The following CASTOR2 variants were observed in gnomAD, a reference collection of about 807,000 sequenced individuals.
CASTOR2 encodes the protein GATS protein like 2.
In CASTOR2, 8 loss-of-function variants were observed where a neutral mutation model predicts 31.2. That is an observed-to-expected ratio of 0.26 (90% CI 0.15 to 0.46). The LOEUF is 0.46. Ranked by LOEUF, CASTOR2 falls within the 20% of genes least tolerant of loss-of-function variation. The pLI is 0.99. For synonymous variants in CASTOR2, 162 were observed against 158.7 expected (o/e 1.02, Z -0.16); for missense variants, 216 against 382.1 (o/e 0.57, Z 3.62).
intron 1 of CASTOR2, among the ~76,000 whole-genome samples, chr7:75,004,183 G>A (rs1804559261): frequency 6.6e-6 from 1 of 152,156 alleles, no homozygotes; most frequent in African/African-American, 2.4e-5. Flanking sequence ...CTCTTTCTGA[G>A]TTCCTGGGGG....
intron 1 of CASTOR2, among the ~76,000 whole-genome samples, chr7:74,986,517 A>T (rs1200089767): frequency 6.6e-6 from 1 of 151,680 alleles, no homozygotes; most frequent in East Asian, 1.9e-4. Flanking sequence ...AAAGAAAAGA[A>T]AAAAAAAGAA....
At position 75,028,567 on chromosome 7, in the gene CASTOR2, C is replaced by A. The variant is rs1805207446; in HGVS notation, c.*3868C>A. Among the ~76,000 whole-genome samples, 1 of 152,100 alleles carries A rather than the reference C, an allele frequency of 6.6e-6. No individual in the cohort carries two copies. Among genetic ancestry groups the A allele is most frequent in the African/African-American group, 2.4e-5 (1 of 41,404 alleles). On this transcript the variant is annotated 3_prime_UTR_variant, in exon 9 of 9. Coordinates refer to ENST00000616305, the MANE Select transcript of CASTOR2 (RefSeq NM_001145064.3). The stretch of plus-strand genomic sequence containing the variant: ...TCTCCCCTTGCTGCACTCAGAGTAC[C>A]AGTGGGAGCTGAAGGATGGGGAGGA...
rs975622661 is a variant in CASTOR2 at position 75,027,589 on chromosome 7, G to C, written c.*2890G>C. ...GGGGCTGCTCCTGGGGACTGGCCTC[G>C]TGTCATGGAGAAAAGCATGTGTGTC... On this transcript the variant is annotated 3_prime_UTR_variant, in exon 9 of 9. Coordinates refer to ENST00000616305, the MANE Select transcript of CASTOR2 (RefSeq NM_001145064.3). 1 of 182,450 alleles carries C rather than the reference G, an allele frequency of 5.5e-6. No homozygotes were observed. Among genetic ancestry groups the C allele is most frequent in the African/African-American group, 2.4e-5 (1 of 41,654 alleles). The allele number at this position is 182,450 out of a possible 1,614,324, so 11.3% of individuals were successfully genotyped here.
chr7:75,014,803 C>G (rs1804830886), intron 2 of CASTOR2, among the ~76,000 whole-genome samples: 1 of 152,210 alleles, frequency 6.6e-6, no homozygotes. Context: ...CTCTGGGTCT[C>G]ATCCAAACCT....
chr7:75,025,020 G>A lies in CASTOR2; in HGVS notation c.*321G>A, dbSNP rs1257052203. On this transcript the variant is annotated 3_prime_UTR_variant, in exon 9 of 9. Coordinates refer to ENST00000616305, the MANE Select transcript of CASTOR2 (RefSeq NM_001145064.3). The stretch of plus-strand genomic sequence containing the variant: ...CGCCTTCTCATCCGGCCTCACCCAC[G>A]GCCAGGGGCAGATGCCGAGGGAAGC... 1.3e-5 allele frequency among the ~76,000 whole-genome samples: 2 copies of A among 152,240 alleles called. No homozygotes were observed. The highest frequency in any genetic ancestry group is 2.1e-4 in the South Asian group (1 of 4,836).
At chr7:75,006,846 G>GC (rs1210977859) in intron 1 of CASTOR2, among the ~76,000 whole-genome samples, 16 of 68,080 alleles carry the variant, frequency 2.4e-4, no homozygotes, top group South Asian at 5.6e-4. Context: ...GAGCACCCCC[G>GC]CCCCCCCAGC....
At chr7:74,993,227 T>C (rs1273390158) in intron 1 of CASTOR2, among the ~76,000 whole-genome samples, 3 of 151,898 alleles carry the variant, frequency 2.0e-5, no homozygotes, top group Non-Finnish European at 2.9e-5. Flanking sequence ...GGAAGGCACA[T>C]AGAGCTTCTA....
rs1000303158 is a variant in CASTOR2 at position 75,026,008 on chromosome 7, C to G, written c.*1309C>G. ...GAACTCCCACCAACCAGCTGTAGTT[C>G]TATCTGAGCACCGGAGGGGGTGAGG... On this transcript the variant is annotated 3_prime_UTR_variant, in exon 9 of 9. Coordinates refer to ENST00000616305, the MANE Select transcript of CASTOR2 (RefSeq NM_001145064.3). Among the ~76,000 whole-genome samples, 2 of 152,110 alleles carry G rather than the reference C, an allele frequency of 1.3e-5. No homozygotes were observed. The highest frequency in any genetic ancestry group is 6.6e-5 in the Admixed American group (1 of 15,258).
At position 75,024,944 on chromosome 7, in the gene CASTOR2, C is replaced by T. The variant is rs1056632028; in HGVS notation, c.*245C>T. The T allele has an allele frequency of 1.0e-4, 90 of 878,064 alleles. No homozygotes were observed. The Middle Eastern group carries it at 1.1e-3, about 10-fold the overall frequency. 54.4% of individuals were successfully genotyped at this position (878,064 alleles called of 1,614,324 possible). A position where few individuals can be genotyped will look rare whatever the true frequency, so the allele number is the denominator to read the frequency against. ...AGAACGACCTTTCTCTTCCCTACCT[C>T]CCCCACCCCGGAAAATGCTTTCGGA... On this transcript the variant is annotated 3_prime_UTR_variant, in exon 9 of 9. Transcript: ENST00000616305.
At chr7:74,984,679 GGCCCACCGCCAT>G (rs1338956630) in intron 1 of CASTOR2, among the ~76,000 whole-genome samples, 12 of 152,176 alleles carry the variant, frequency 7.9e-5, no homozygotes, top group Admixed American at 7.9e-4. Flanking sequence ...CTATGGGCCA[GGCCCACCGCCAT>G]GCCCTTTGGA....
chr7:75,015,642 G>A (rs1306954016), intron 2 of CASTOR2, among the ~76,000 whole-genome samples: 1 of 152,096 alleles, frequency 6.6e-6, no homozygotes, highest in Non-Finnish European at 1.5e-5. Context: ...TAGTGCCCAA[G>A]ATAGAGCCTG....
At chr7:75,014,395 G>A (rs1224415755) in intron 2 of CASTOR2, among the ~76,000 whole-genome samples, 1 of 118,088 alleles carries the variant, frequency 8.5e-6, no homozygotes, top group African/African-American at 3.5e-5. Flanking sequence ...CCAACATGGT[G>A]AAACCCCTTC....
chr7:75,012,291 A>G (rs1398101607), intron 2 of CASTOR2, among the ~76,000 whole-genome samples: 32 of 151,960 alleles, frequency 2.1e-4, no homozygotes, highest in Non-Finnish European at 1.8e-4. Flanking sequence ...TGCTTCAGAA[A>G]GAGAGTTTAG....
At chr7:74,994,673 C>T (rs1804296555) in intron 1 of CASTOR2, among the ~76,000 whole-genome samples, 1 of 152,020 alleles carries the variant, frequency 6.6e-6, no homozygotes, top group African/African-American at 2.4e-5. Context: ...TTGCTTGAAC[C>T]TGGTAGGCAG....
intron 1 of CASTOR2, among the ~76,000 whole-genome samples, chr7:74,987,768 G>A (rs1804106174): frequency 6.6e-6 from 1 of 152,028 alleles, no homozygotes. Flanking sequence ...GAGTGCAGTG[G>A]CGTGATATCG....
At chr7:75,018,190 C>A (rs1804910400) in intron 4 of CASTOR2, 68 bp downstream of exon 4, 2 of 1,577,446 alleles carry the variant, frequency 1.3e-6, no homozygotes, top group Non-Finnish European at 1.7e-6. Flanking sequence ...CGCAGACCAG[C>A]CTTACTCTCA....
rs1353756880 is a variant in CASTOR2 at position 75,017,713 on chromosome 7, C to A, written c.300C>A (p.Ala100=). Residue 100 remains alanine (A), a synonymous_variant, in exon 3 of 9, where the codon GCC becomes GCA. Transcript: ENST00000616305. The part of the protein sequence containing the change: ...SSQPIGVTKI[A]KSVIAPLADQ... ...AGCCCATCGGCGTGACCAAGATCGCCAAGTCAGTCATCGCCCCACTGGCTG... is the reference window on the plus strand; with the variant it reads ...AGCCCATCGGCGTGACCAAGATCGCAAAGTCAGTCATCGCCCCACTGGCTG... 22 of 1,613,918 alleles carry A rather than the reference C, an allele frequency of 1.4e-5. No homozygotes were observed. The highest frequency in any genetic ancestry group is 1.7e-5 in the Non-Finnish European group (20 of 1,179,892).
chr7:74,972,468 C>T (rs1803697948), intron 1 of CASTOR2, among the ~76,000 whole-genome samples: 2 of 151,156 alleles, frequency 1.3e-5, no homozygotes, highest in Admixed American at 6.6e-5. Flanking sequence ...TCTTTAAATT[C>T]CATTCTAGAA....
At chr7:74,997,015 A>T (rs1249089574) in intron 1 of CASTOR2, among the ~76,000 whole-genome samples, 1 of 150,404 alleles carries the variant, frequency 6.6e-6, no homozygotes, top group Non-Finnish European at 1.5e-5. Flanking sequence ...GATTACAGGC[A>T]TGAGCCACCG....
Sources: gnomAD v4.1 joint callset for allele counts (sites outside exome capture counted in the v4.1 genomes callset) on GRCh38, gnomAD v4.1.1 for gene constraint, MANE v1.5 for transcripts, NCBI Gene and HGNC (gene_info 2026-07-23, HGNC 2026-07-21) for gene names.